Variants in ACVR1C observed in about 807,000 individuals in gnomAD.
The protein encoded by ACVR1C is activin receptor type-1C.
Under a neutral mutation model 57.9 loss-of-function variants are expected in ACVR1C, and 23 were observed. The observed-to-expected ratio is 0.40, with a 90% confidence interval of 0.29 to 0.56. The LOEUF is 0.56. Among genes scored for constraint, ACVR1C ranks in the 20% least tolerant of loss-of-function variants. ACVR1C has a pLI of 0.50. For missense variants in ACVR1C, 480 were observed against 607.9 expected (o/e 0.79, Z 2.21); for synonymous variants, 214 against 215.3 (o/e 0.99, Z 0.05).
In ACVR1C at chr2:157,542,718, A is replaced by C. The variant is rs1687651141; in HGVS notation, c.1088T>G (p.Val363Gly). The C allele has an allele frequency of 1.2e-6, 2 of 1,612,392 alleles. No homozygotes were observed. The highest frequency in any genetic ancestry group is 1.7e-5 in the Admixed American group (1 of 59,730). ...NTIDIPQNPK[V>G]GTKRYMAPEM... ...TCAGTCGTCTTACCTCTTGGTTCCC[A>C]CTTTAGGATTCTGAGGTATGTCGAT... Residue 363 changes from valine to glycine, a missense_variant, in exon 6 of 9, where the codon GTG (valine) becomes GGG (glycine). Transcript: ENST00000243349.
chr2:157,573,397 T>A (rs1688570555), intron 2 of ACVR1C, among the ~76,000 whole-genome samples: 2 of 152,208 alleles, frequency 1.3e-5, no homozygotes, highest in Admixed American at 1.3e-4. Flanking sequence ...AGTAATTATC[T>A]GAATTAGTGA....
intron 2 of ACVR1C, among the ~76,000 whole-genome samples, chr2:157,578,436 A>G (rs1424578203): frequency 6.6e-6 from 1 of 152,090 alleles, no homozygotes; most frequent in African/African-American, 2.4e-5. Context: ...TCATTATTAC[A>G]CTGAATGGTT....
chr2:157,539,845 A>G (rs981013051), intron 7 of ACVR1C, among the ~76,000 whole-genome samples: 1 of 152,240 alleles, frequency 6.6e-6, no homozygotes, highest in African/African-American at 2.4e-5. Flanking sequence ...AAACAGTTGT[A>G]GATCCCTGAA....
chr2:157,592,683 T>C (rs969573947), intron 1 of ACVR1C, among the ~76,000 whole-genome samples: 1 of 152,114 alleles, frequency 6.6e-6, no homozygotes. Context: ...GACATATAAT[T>C]CAACTATATT....
At chr2:157,561,065 GAAAC>G (rs1297589111) in intron 2 of ACVR1C, among the ~76,000 whole-genome samples, 3 of 152,088 alleles carry the variant, frequency 2.0e-5, no homozygotes, top group Admixed American at 1.3e-4. Context: ...AAATTGTTTA[GAAAC>G]AAACAAACAA....
chr2:157,594,808 T>C lies in ACVR1C; in HGVS notation c.74-7391A>G, dbSNP rs145072809. ...AATAGTCTACATTCTACTAAGTAGA[T>C]ATTAAAATGTTTCCCAATAATATTT... is the stretch of plus-strand genomic sequence containing the variant. On this transcript the variant is annotated intron_variant, in intron 1 of 8. Transcript: ENST00000243349. 1.7e-4 allele frequency among the ~76,000 whole-genome samples: 26 copies of C among 152,320 alleles called. No individual in the cohort carries two copies. In the South Asian group the frequency reaches 3.3e-3, roughly 19 times the overall value.
intron 1 of ACVR1C, among the ~76,000 whole-genome samples, chr2:157,604,547 T>C (rs755727417): frequency 8.6e-5 from 13 of 152,046 alleles, no homozygotes; most frequent in South Asian, 8.3e-4. Flanking sequence ...ATTAATATAC[T>C]GTTTTTAGGT....
chr2:157,538,242 CTG>C (rs1290729131), intron 8 of ACVR1C, among the ~76,000 whole-genome samples: 3 of 152,184 alleles, frequency 2.0e-5, no homozygotes, highest in Admixed American at 6.5e-5. Context: ...GATCTGGAAA[CTG>C]TGTCCAAGGA....
chr2:157,589,036 C>A (rs1258234563), intron 1 of ACVR1C, among the ~76,000 whole-genome samples: 2 of 151,266 alleles, frequency 1.3e-5, no homozygotes, highest in Non-Finnish European at 3.0e-5. Context: ...CTGCAGGTAT[C>A]TTTTTGACAC....
chr2:157,608,713 T>A (rs1268801981), intron 1 of ACVR1C, among the ~76,000 whole-genome samples: 2 of 151,958 alleles, frequency 1.3e-5, no homozygotes, highest in Non-Finnish European at 2.9e-5. Context: ...ATAGGCTGTA[T>A]GTTTCCAGGA....
chr2:157,580,429 T>A (rs990733621), intron 2 of ACVR1C, among the ~76,000 whole-genome samples: 1 of 152,200 alleles, frequency 6.6e-6, no homozygotes, highest in Non-Finnish European at 1.5e-5. Flanking sequence ...TATTTTTGTA[T>A]ATGGTATGAC....
chr2:157,596,451 T>C (rs1418926400), intron 1 of ACVR1C, among the ~76,000 whole-genome samples: 2 of 152,196 alleles, frequency 1.3e-5, no homozygotes, highest in African/African-American at 4.8e-5. Context: ...CACTAATGTA[T>C]ACAACTTCTC....
At chr2:157,627,517 T>C (rs914804601) in intron 1 of ACVR1C, among the ~76,000 whole-genome samples, 1 of 152,208 alleles carries the variant, frequency 6.6e-6, no homozygotes, top group African/African-American at 2.4e-5. Flanking sequence ...AATCTGTACA[T>C]GACAGCAATC....
In ACVR1C at chr2:157,534,037, G is replaced by C. The variant is rs368036845; in HGVS notation, c.1363C>G (p.Arg455Gly). The C allele has an allele frequency of 9.6e-6, 15 of 1,561,916 alleles. No individual in the cohort carries two copies. In the African/African-American group the frequency reaches 1.5e-4, roughly 16 times the overall value. Residue 455 changes from arginine (R) to glycine (G), a missense_variant, in exon 9 of 9, where the codon CGA (arginine) becomes GGA (glycine). Physicochemically the swap from Arg to Gly is moderately radical, Grantham distance 125. Coordinates refer to ENST00000243349, the MANE Select transcript of ACVR1C (RefSeq NM_145259.3). ...TCACGCATTATTCTCCCCATGACTC[G>C]GAGTGCCTTTAAGAGAGAAAAAAAA... ...PNQWQSCEALRVMGRIMRECW... is the reference protein window; with the variant it reads ...PNQWQSCEALGVMGRIMRECW...
At position 157,554,272 on chromosome 2, in the gene ACVR1C, G is replaced by GAGAAAGAAAGAAAGAAAGA. The variant is rs1688021335; in HGVS notation, c.544+1820_544+1821insTCTTTCTTTCTTTCTTTCT. Among the ~76,000 whole-genome samples the GAGAAAGAAAGAAAGAAAGA allele has an allele frequency of 1.9e-4, 9 of 47,596 alleles. 1 individual carries two copies. The highest frequency in any genetic ancestry group is 1.0e-3 in the African/African-American group (9 of 8,894). 31.2% of individuals were successfully genotyped at this position (47,596 alleles called of 152,430 possible). A position where few individuals can be genotyped will look rare whatever the true frequency, so the allele number is the denominator to read the frequency against. ...GAAAGAAAGAAAGAAAGAAAGAAAG[G>GAGAAAGAAAGAAAGAAAGA]AAGGAAGGAAGAGAGAGAGAGAGAG... On this transcript the variant is annotated intron_variant, in intron 3 of 8. Coordinates refer to ENST00000243349, the MANE Select transcript of ACVR1C (RefSeq NM_145259.3).
At position 157,529,630 on chromosome 2, in the gene ACVR1C, T is replaced by C. The variant is rs1337500654; in HGVS notation, c.*4288A>G. ...TCTACACAAAATTGGAATAACTTTA[T>C]ATAATCTCTGAGAGTACTAAGGGAT... On this transcript the variant is annotated 3_prime_UTR_variant, in exon 9 of 9. Coordinates refer to ENST00000243349, the MANE Select transcript of ACVR1C (RefSeq NM_145259.3). The C allele has an allele frequency of 1.3e-5, 2 of 152,102 alleles. No individual in the cohort carries two copies. The highest frequency in any genetic ancestry group is 4.8e-5 in the African/African-American group (2 of 41,434). 9.4% of individuals were successfully genotyped at this position (152,102 alleles called of 1,614,324 possible).
At chr2:157,613,016 A>G (rs764201405) in intron 1 of ACVR1C, among the ~76,000 whole-genome samples, 2 of 152,144 alleles carry the variant, frequency 1.3e-5, no homozygotes, top group Non-Finnish European at 2.9e-5. Flanking sequence ...ATCATTGTCC[A>G]TGTTAGTCTA....
At chr2:157,563,264 G>A (rs1688285342) in intron 2 of ACVR1C, among the ~76,000 whole-genome samples, 1 of 152,156 alleles carries the variant, frequency 6.6e-6, no homozygotes, top group Non-Finnish European at 1.5e-5. Flanking sequence ...AACAACCTCA[G>A]CAAAGTCTCA....
chr2:157,588,389 T>C (rs1205940532), intron 1 of ACVR1C, among the ~76,000 whole-genome samples: 1 of 152,018 alleles, frequency 6.6e-6, no homozygotes, highest in Non-Finnish European at 1.5e-5. Context: ...TTAAATATAT[T>C]GTTTCTAAAT....
Sources: gnomAD v4.1 joint callset for allele counts (sites outside exome capture counted in the v4.1 genomes callset) on GRCh38, gnomAD v4.1.1 for gene constraint, MANE v1.5 for transcripts, NCBI Gene and HGNC (gene_info 2026-07-23, HGNC 2026-07-21) for gene names.